Variants in TTC7B observed in about 807,000 individuals in gnomAD.
The protein encoded by TTC7B is tetratricopeptide repeat protein 7B.
In TTC7B, 28 loss-of-function variants were observed where a neutral mutation model predicts 106.8. The observed-to-expected ratio is 0.26, with a 90% confidence interval of 0.19 to 0.36. The LOEUF is 0.36. Ranked by LOEUF, TTC7B falls within the 10% of genes least tolerant of loss-of-function variation. TTC7B has a pLI of 1.00. For missense variants in TTC7B, 862 were observed against 1,076.4 expected (o/e 0.80, Z 2.79); for synonymous variants, 405 against 430.6 (o/e 0.94, Z 0.74).
chr14:90,682,848 C>G (rs201339581), intron 7 of TTC7B, among the ~76,000 whole-genome samples: 1 of 152,156 alleles, frequency 6.6e-6, no homozygotes, highest in Non-Finnish European at 1.5e-5. Context: ...CGTCCTCGTC[C>G]CAGCCATGCC....
chr14:90,578,209 C>T lies in TTC7B; in HGVS notation c.2207G>A (p.Arg736His), dbSNP rs1402479047. The T allele has an allele frequency of 3.1e-6, 5 of 1,614,194 alleles. No individual in the cohort carries two copies. The highest frequency in any genetic ancestry group is 2.5e-6 in the Non-Finnish European group (3 of 1,180,038). Residue 736 changes from arginine (R) to histidine (H), a missense_variant, in exon 19 of 20, where the codon CGC (arginine) becomes CAC (histidine). Physicochemically the swap from Arg to His is conservative, Grantham distance 29. Coordinates refer to ENST00000328459, the MANE Select transcript of TTC7B (RefSeq NM_001010854.2). This position sits in a 1 kb window ranked among gnomAD's most constrained non-coding sequence, Gnocchi z 4.7. ...FPMSHNVLYM[R>H]GQIAELRGSM... The stretch of plus-strand genomic sequence containing the variant: ...TCCCCGGAGCTCAGCAATCTGGCCG[C>T]GCATGTAGAGGACATTGTGGGACAT...
chr14:90,565,703 C>G (rs1890767713), intron 19 of TTC7B, among the ~76,000 whole-genome samples: 1 of 152,044 alleles, frequency 6.6e-6, no homozygotes, highest in Non-Finnish European at 1.5e-5. Flanking sequence ...CCTGGCCAAT[C>G]CTTTCTAGCT....
chr14:90,745,754 G>A (rs1475405659), intron 3 of TTC7B, among the ~76,000 whole-genome samples: 1 of 150,926 alleles, frequency 6.6e-6, no homozygotes, highest in Non-Finnish European at 1.5e-5. Flanking sequence ...ACCCAGGCTG[G>A]AGTGCAGCAG....
intron 1 of TTC7B, among the ~76,000 whole-genome samples, chr14:90,810,327 G>C (rs1047916418): frequency 6.6e-6 from 1 of 152,180 alleles, no homozygotes; most frequent in Non-Finnish European, 1.5e-5. Context: ...TTCCGAAAAA[G>C]GGTTTTGGAT....
At chr14:90,647,687 C>T (rs1252781777) in intron 13 of TTC7B, among the ~76,000 whole-genome samples, 1 of 152,102 alleles carries the variant, frequency 6.6e-6, no homozygotes, top group African/African-American at 2.4e-5. Context: ...AGGAAGGGAC[C>T]ATACTGGCCT....
chr14:90,580,910 C>G (rs1305609411), intron 18 of TTC7B, among the ~76,000 whole-genome samples: 1 of 152,214 alleles, frequency 6.6e-6, no homozygotes, highest in Non-Finnish European at 1.5e-5. Context: ...GGGGAAATGG[C>G]TGGTGTGTAT....
Position 90,596,894 on chromosome 14 carries a change from C to T in TTC7B, c.1967-3268G>A, listed in dbSNP as rs150972266. Among the ~76,000 whole-genome samples, 127 of 152,192 alleles carry T rather than the reference C, an allele frequency of 8.3e-4. 1 individual carries two copies. Among genetic ancestry groups the T allele is most frequent in the Non-Finnish European group, 1.6e-3 (106 of 68,016 alleles). On this transcript the variant is annotated intron_variant, in intron 17 of 19. Coordinates refer to ENST00000328459, the MANE Select transcript of TTC7B (RefSeq NM_001010854.2). ...TGTCTGAAATTCAGAAGAGGGCGGCCCCCTCTCTGGATGCACGTGTGCTCT... is the reference window on the plus strand; with the variant it reads ...TGTCTGAAATTCAGAAGAGGGCGGCTCCCTCTCTGGATGCACGTGTGCTCT...
intron 18 of TTC7B, among the ~76,000 whole-genome samples, chr14:90,584,558 G>C (rs1383929213): frequency 6.6e-6 from 1 of 152,168 alleles, no homozygotes; most frequent in Non-Finnish European, 1.5e-5. Context: ...CTCTCTCTGG[G>C]GGCTTAGTCT....
At chr14:90,603,195 G>T in intron 17 of TTC7B, 4 of 1,109,324 alleles carry the variant, frequency 3.6e-6, no homozygotes, top group Non-Finnish European at 4.8e-6. Flanking sequence ...ATTCCGTGGT[G>T]GGGGGAGTGT....
intron 9 of TTC7B, among the ~76,000 whole-genome samples, chr14:90,660,120 C>T (rs1396111321): frequency 3.9e-5 from 6 of 151,900 alleles, no homozygotes; most frequent in Admixed American, 6.6e-5. Flanking sequence ...CGCAGTGGCT[C>T]ACACCTGTAA....
At chr14:90,767,129 G>A (rs1890716245) in intron 3 of TTC7B, 2 of 594,626 alleles carry the variant, frequency 3.4e-6, no homozygotes, top group East Asian at 2.8e-5. Flanking sequence ...TGAGGCAGGA[G>A]CATCGCTTGA....
At chr14:90,697,515 T>G (rs1167603242) in intron 5 of TTC7B, 1 of 152,210 alleles carries the variant, frequency 6.6e-6, no homozygotes, top group Non-Finnish European at 1.5e-5. Context: ...TTCAGGTCTA[T>G]GTTTTGCATC....
At position 90,600,400 on chromosome 14, in the gene TTC7B, C is replaced by T. The variant is rs1332364756; in HGVS notation, c.1967-6774G>A. Among the ~76,000 whole-genome samples the T allele has an allele frequency of 4.6e-5, 7 of 152,248 alleles. No individual in the cohort carries two copies. Among genetic ancestry groups the T allele is most frequent in the Middle Eastern group, 3.4e-3 (1 of 294 alleles). ...CCCAGTGTGACAGCAGGGGCGGGGCCGCTGCCCACCCAGTCCCACCAACCA... is the reference window on the plus strand; with the variant it reads ...CCCAGTGTGACAGCAGGGGCGGGGCTGCTGCCCACCCAGTCCCACCAACCA... On this transcript the variant is annotated intron_variant, in intron 17 of 19. Transcript: ENST00000328459. The surrounding 1 kb of genome is among the most constrained non-coding windows in gnomAD (Gnocchi z 4.3).
intron 3 of TTC7B, among the ~76,000 whole-genome samples, chr14:90,780,470 A>AAGAAAGAAAGAAAGAAAG (rs10672789): frequency 1.4e-5 from 2 of 146,362 alleles, no homozygotes; most frequent in African/African-American, 2.6e-5. Flanking sequence ...GAAAGAAAGA[A>AAGAAAGAAAGAAAGAAAG]AAAGAAAGAA....
At chr14:90,761,355 T>C (rs1205887393) in intron 3 of TTC7B, among the ~76,000 whole-genome samples, 1 of 152,160 alleles carries the variant, frequency 6.6e-6, no homozygotes, top group African/African-American at 2.4e-5. Context: ...TTTTCACATT[T>C]CTGACAACCA....
At chr14:90,610,714 T>C in intron 17 of TTC7B, 28 bp downstream of exon 17, 1 of 1,522,802 alleles carries the variant, frequency 6.6e-7, no homozygotes, top group Non-Finnish European at 9.1e-7. Flanking sequence ...ATTACACCAT[T>C]TCGTCCCCTC....
intron 15 of TTC7B, among the ~76,000 whole-genome samples, chr14:90,622,324 G>A (rs1431829299): frequency 6.6e-6 from 1 of 151,906 alleles, no homozygotes; most frequent in African/African-American, 2.4e-5. Flanking sequence ...TCACCATGTT[G>A]GGCAGGCTGG....
chr14:90,788,925 T>C (rs1027047483), intron 1 of TTC7B, among the ~76,000 whole-genome samples: 14 of 151,558 alleles, frequency 9.2e-5, no homozygotes, highest in African/African-American at 3.4e-4. Flanking sequence ...ATCATGCCAC[T>C]GCACTCCAGC....
At chr14:90,558,149 C>G (rs1340379028) in intron 19 of TTC7B, among the ~76,000 whole-genome samples, 1 of 152,282 alleles carries the variant, frequency 6.6e-6, no homozygotes, top group Non-Finnish European at 1.5e-5. Flanking sequence ...CTTGGGAAGG[C>G]CAGCCTCCGT....
Sources: gnomAD v4.1 joint callset for allele counts (sites outside exome capture counted in the v4.1 genomes callset) on GRCh38, gnomAD v4.1.1 for gene constraint, Gnocchi (gnomAD v3.1) non-coding constraint, MANE v1.5 for transcripts, NCBI Gene and HGNC (gene_info 2026-07-23, HGNC 2026-07-21) for gene names.